The following ENKUR variants were observed in gnomAD, a reference collection of about 807,000 sequenced individuals.
The protein encoded by ENKUR is enkurin.
ENKUR carries 19 observed loss-of-function variants against 27.6 expected under a neutral mutation model. That is an observed-to-expected ratio of 0.69 (90% CI 0.48 to 1.01). ENKUR has a LOEUF of 1.01. ENKUR is among the 50% of genes least tolerant of loss of function. ENKUR has a pLI of 0.00. For missense variants in ENKUR, 312 were observed against 310.5 expected (o/e 1.00, Z -0.04); for synonymous variants, 117 against 96.9 (o/e 1.21, Z -1.22).
upstream of ENKUR, among the ~76,000 whole-genome samples, chr10:25,017,062 C>CG (rs1388333908): frequency 6.6e-6 from 1 of 152,002 alleles, no homozygotes; most frequent in Non-Finnish European, 1.5e-5. Flanking sequence ...GGCGGTCCTC[C>CG]GGGTCGGCTC....
At chr10:25,001,221 C>G (rs1487861064) in intron 1 of ENKUR, among the ~76,000 whole-genome samples, 3 of 151,948 alleles carry the variant, frequency 2.0e-5, no homozygotes, top group African/African-American at 7.2e-5. Context: ...CATTTTTAAA[C>G]TTCTGGCTTC....
intron 2 of ENKUR, among the ~76,000 whole-genome samples, chr10:25,053,077 TAAA>T (rs35496731): frequency 1.2e-4 from 17 of 140,304 alleles, no homozygotes; most frequent in East Asian, 6.2e-4. Flanking sequence ...CTTGTCTCTT[TAAA>T]AAAAAAAAAA....
chr10:25,059,418 C>T (rs935374531), intron 2 of ENKUR, among the ~76,000 whole-genome samples: 4 of 152,154 alleles, frequency 2.6e-5, no homozygotes, highest in Non-Finnish European at 5.9e-5. Flanking sequence ...AGGCGTGAGC[C>T]ACTGCACCCA....
intron 1 of ENKUR, among the ~76,000 whole-genome samples, chr10:25,003,316 C>A (rs540909398): frequency 2.0e-5 from 3 of 152,274 alleles, no homozygotes; most frequent in South Asian, 2.1e-4. Flanking sequence ...AAATGATTCT[C>A]ATGCCTCTGC....
At chr10:25,025,718 A>G (rs937796817) in intron 2 of ENKUR, 62 of 388,480 alleles carry the variant, frequency 1.6e-4, no homozygotes, top group African/African-American at 1.2e-4. Flanking sequence ...GGGTGTATCA[A>G]TTTCCACTCC....
chr10:25,045,455 A>G (rs1206085212), intron 2 of ENKUR, among the ~76,000 whole-genome samples: 1 of 152,190 alleles, frequency 6.6e-6, no homozygotes, highest in Non-Finnish European at 1.5e-5. Context: ...TTCTTTCTAT[A>G]AAAAAAGAGG....
At chr10:24,998,310 TCTCCC>T (rs1486924538) in intron 2 of ENKUR, among the ~76,000 whole-genome samples, 24 of 149,178 alleles carry the variant, frequency 1.6e-4, no homozygotes, top group African/African-American at 4.4e-4. Flanking sequence ...TCTCTTCTCC[TCTCCC>T]CTCCCCTCCC....
intron 4 of ENKUR, among the ~76,000 whole-genome samples, chr10:24,985,541 A>C (rs1368027516): frequency 6.6e-6 from 1 of 152,252 alleles, no homozygotes; most frequent in Non-Finnish European, 1.5e-5. Context: ...AGGTCATTAA[A>C]TGTAACACAC....
intron 1 of ENKUR, among the ~76,000 whole-genome samples, chr10:25,012,386 A>C (rs1850467020): frequency 6.6e-6 from 1 of 152,178 alleles, no homozygotes; most frequent in South Asian, 2.1e-4. Context: ...ATCCACTGAG[A>C]GCATGCACCA....
At chr10:25,001,099 T>A (rs1036846438) in intron 1 of ENKUR, among the ~76,000 whole-genome samples, 7 of 152,180 alleles carry the variant, frequency 4.6e-5, no homozygotes, top group Admixed American at 3.9e-4. Flanking sequence ...GTATTTTAAA[T>A]ACATTTGAAA....
intron 4 of ENKUR, among the ~76,000 whole-genome samples, chr10:24,990,173 T>C (rs924656741): frequency 1.3e-5 from 2 of 152,228 alleles, no homozygotes; most frequent in Non-Finnish European, 2.9e-5. Context: ...ATTTGCTTCA[T>C]TTCATGCATG....
intron 4 of ENKUR, among the ~76,000 whole-genome samples, 154 bp downstream of exon 4, chr10:24,990,309 C>T (rs1849897094): frequency 6.6e-6 from 1 of 152,216 alleles, no homozygotes; most frequent in Admixed American, 6.5e-5. Context: ...TCCAAAGAGT[C>T]AGCTTTGCTG....
In ENKUR at chr10:25,061,212, G is replaced by A. The variant is rs147444170; in HGVS notation, c.-64C>T. 686 of 1,481,722 alleles carry A rather than the reference G, an allele frequency of 4.6e-4. 7 individuals are homozygous for A. The African/African-American group carries it at 8.1e-3, about 17-fold the overall frequency. The allele number at this position is 1,481,722 out of a possible 1,614,324, so 91.8% of individuals were successfully genotyped here. On this transcript the variant is annotated 5_prime_UTR_variant, in exon 2 of 6. Transcript: ENST00000615958. The stretch of plus-strand genomic sequence containing the variant: ...GTTGGACACGTGTGGCCAGGCCCTG[G>A]GCTTTGAAATCGACCCTGGTTTGCA...
chr10:25,023,973 C>G (rs1205983112), intron 2 of ENKUR: 1 of 1,614,142 alleles, frequency 6.2e-7, no homozygotes, highest in Non-Finnish European at 8.5e-7. Context: ...CAGCAAAATT[C>G]TTTAGTGAAG....
chr10:25,006,984 T>C (rs1850325587), intron 1 of ENKUR, among the ~76,000 whole-genome samples: 1 of 152,214 alleles, frequency 6.6e-6, no homozygotes, highest in African/African-American at 2.4e-5. Context: ...TTGAACATAT[T>C]GCTATTAATA....
chr10:25,047,498 C>T (rs1350737985), intron 2 of ENKUR, among the ~76,000 whole-genome samples: 2 of 152,152 alleles, frequency 1.3e-5, no homozygotes, highest in Non-Finnish European at 2.9e-5. Flanking sequence ...GCTCAATTTC[C>T]TCTGTCCTTT....
chr10:25,049,856 G>A (rs186796233), intron 2 of ENKUR, among the ~76,000 whole-genome samples: 5 of 151,866 alleles, frequency 3.3e-5, no homozygotes, highest in Non-Finnish European at 7.4e-5. Flanking sequence ...CTGGGAGACA[G>A]TAGTGTATTA....
At chr10:25,011,977 T>C (rs938890175) in intron 1 of ENKUR, among the ~76,000 whole-genome samples, 8 of 152,244 alleles carry the variant, frequency 5.3e-5, no homozygotes, top group Admixed American at 3.3e-4. Context: ...AATGGTTTCA[T>C]GGGCTGGGCC....
chr10:25,003,251 G>A (rs1354025138), intron 1 of ENKUR, among the ~76,000 whole-genome samples: 1 of 151,914 alleles, frequency 6.6e-6, no homozygotes, highest in Non-Finnish European at 1.5e-5. Flanking sequence ...GTGTTGCCCA[G>A]GCTGGAGTGC....
Sources: allele counts gnomAD v4.1 joint callset (sites outside exome capture counted in the v4.1 genomes callset), GRCh38; gene constraint gnomAD v4.1.1; transcripts MANE v1.5; gene names NCBI Gene and HGNC (gene_info 2026-07-23, HGNC 2026-07-21).